GRIP1: variants seen among roughly 807,000 people sequenced by gnomAD.
The protein encoded by GRIP1 is glutamate receptor-interacting protein 1.
A neutral mutation model predicts 129.9 loss-of-function variants in GRIP1; 45 were observed. The ratio of observed to expected loss-of-function variants is 0.35; its 90% confidence interval spans 0.27 to 0.44. The LOEUF is 0.44. Among genes scored for constraint, GRIP1 ranks in the 20% least tolerant of loss-of-function variants. The pLI, the probability that GRIP1 is intolerant of heterozygous loss-of-function variation, is 1.00. For missense variants in GRIP1, 1,196 were observed against 1,396.8 expected (o/e 0.86, Z 2.29); for synonymous variants, 530 against 520.8 (o/e 1.02, Z -0.24).
intron 1 of GRIP1, among the ~76,000 whole-genome samples, chr12:66,661,475 GTGGA>G (rs753985317): frequency 7.1e-5 from 9 of 127,280 alleles, no homozygotes; most frequent in Non-Finnish European, 1.0e-4. Context: ...AAAAAAAAAG[GTGGA>G]GGGGAGATGG....
intron 1 of GRIP1, among the ~76,000 whole-genome samples, chr12:66,911,042 A>G (rs1382705163): frequency 6.6e-6 from 1 of 152,228 alleles, no homozygotes; most frequent in African/African-American, 2.4e-5. Context: ...GTGCTAATGG[A>G]TGGGGATACA....
chr12:66,838,642 A>ACC (rs1348973721), intron 1 of GRIP1, among the ~76,000 whole-genome samples: 6 of 152,230 alleles, frequency 3.9e-5, no homozygotes, highest in Admixed American at 1.3e-4. Context: ...GAGAAAAAGT[A>ACC]CAAGGACAGA....
At chr12:66,729,312 C>T (rs1194238551) in intron 1 of GRIP1, among the ~76,000 whole-genome samples, 1 of 152,018 alleles carries the variant, frequency 6.6e-6, no homozygotes, top group African/African-American at 2.4e-5. Flanking sequence ...ACCATACTGA[C>T]ATTAATATAT....
chr12:66,744,793 T>C (rs1262644775), intron 1 of GRIP1, among the ~76,000 whole-genome samples: 1 of 152,182 alleles, frequency 6.6e-6, no homozygotes, highest in Non-Finnish European at 1.5e-5. Flanking sequence ...ATCCTTTGAG[T>C]AACTCATCCA....
chr12:66,830,960 C>A (rs1296411736), intron 1 of GRIP1, among the ~76,000 whole-genome samples: 2 of 152,042 alleles, frequency 1.3e-5, no homozygotes, highest in East Asian at 3.9e-4. Context: ...AATCCTCCCA[C>A]CTCAGCCTCT....
intron 1 of GRIP1, among the ~76,000 whole-genome samples, chr12:66,881,347 A>G (rs1324241859): frequency 6.6e-6 from 1 of 152,174 alleles, no homozygotes; most frequent in Non-Finnish European, 1.5e-5. Context: ...AAAAGGCTTA[A>G]AGCATAGCTG....
At chr12:66,592,461 A>G (rs2063882601) in intron 2 of GRIP1, among the ~76,000 whole-genome samples, 1 of 152,208 alleles carries the variant, frequency 6.6e-6, no homozygotes, top group South Asian at 2.1e-4. Context: ...CATTCATGGC[A>G]TTATTCTGGA....
intron 1 of GRIP1, among the ~76,000 whole-genome samples, chr12:67,009,962 T>G (rs1443051635): frequency 6.6e-6 from 1 of 152,132 alleles, no homozygotes; most frequent in Non-Finnish European, 1.5e-5. Context: ...CACATTAAGC[T>G]TTTACTAAAG....
intron 1 of GRIP1, among the ~76,000 whole-genome samples, chr12:66,746,161 T>C (rs555601678): frequency 4.6e-5 from 7 of 152,092 alleles, no homozygotes; most frequent in African/African-American, 1.7e-4. Context: ...ACATCAGAAA[T>C]CTTGTTGTTT....
At chr12:66,836,353 G>A (rs1185677994) in intron 1 of GRIP1, among the ~76,000 whole-genome samples, 3 of 152,068 alleles carry the variant, frequency 2.0e-5, no homozygotes, top group South Asian at 2.1e-4. Context: ...CATACTTCCC[G>A]GGCCTTTATC....
chr12:66,737,520 G>A (rs2136536095), intron 1 of GRIP1, among the ~76,000 whole-genome samples: 1 of 152,222 alleles, frequency 6.6e-6, no homozygotes, highest in Non-Finnish European at 1.5e-5. Context: ...CTGACCTCAT[G>A]ATCCATCTGC....
chr12:66,762,836 C>T (rs952830300), intron 1 of GRIP1, among the ~76,000 whole-genome samples: 3 of 152,124 alleles, frequency 2.0e-5, no homozygotes, highest in Non-Finnish European at 4.4e-5. Context: ...ATTGATTCTG[C>T]CCTGGGGATT....
chr12:66,723,207 T>C (rs56851800), intron 1 of GRIP1, among the ~76,000 whole-genome samples: 19,504 of 76,744 alleles, frequency 0.25, 2,169 homozygotes, highest in African/African-American at 0.27. Flanking sequence ...TCTTCTTTTC[T>C]TTCTTTCTTT....
rs1029827122 is a variant in GRIP1, at chr12:66,603,539, G to T, written c.56-6612C>A. On this transcript the variant is annotated intron_variant, in intron 1 of 24. Transcript: ENST00000359742. Reference sequence around the variant, plus strand: ...AAATCTCCAGGTTATTTGTATGCACGTTCATGTTTGGAAAGCCCTGCTCCA... The same window carrying T: ...AAATCTCCAGGTTATTTGTATGCACTTTCATGTTTGGAAAGCCCTGCTCCA... Among the ~76,000 whole-genome samples, 4 of 152,302 alleles carry T rather than the reference G, an allele frequency of 2.6e-5. No homozygotes were observed. In the East Asian group the frequency reaches 7.7e-4, roughly 29 times the overall value.
At chr12:66,600,124 A>C (rs1185922908) in intron 1 of GRIP1, among the ~76,000 whole-genome samples, 1 of 152,192 alleles carries the variant, frequency 6.6e-6, no homozygotes, top group Non-Finnish European at 1.5e-5. Flanking sequence ...CCTCCTCCAC[A>C]TATTTGTTGC....
At chr12:66,772,304 T>G (rs1419744544) in intron 1 of GRIP1, among the ~76,000 whole-genome samples, 4 of 152,232 alleles carry the variant, frequency 2.6e-5, no homozygotes, top group Non-Finnish European at 5.9e-5. Context: ...GTTTAGATCT[T>G]AAATGAGAAA....
chr12:66,817,192 T>C (rs1354093844), intron 1 of GRIP1, among the ~76,000 whole-genome samples: 1 of 139,890 alleles, frequency 7.1e-6, no homozygotes, highest in African/African-American at 2.7e-5. Context: ...ATATACATAA[T>C]TTTCAGTATG....
At chr12:66,831,888 T>G (rs1377151420) in intron 1 of GRIP1, among the ~76,000 whole-genome samples, 1 of 152,236 alleles carries the variant, frequency 6.6e-6, no homozygotes, top group Non-Finnish European at 1.5e-5. Flanking sequence ...TGTAAAGTGC[T>G]TGGCAAAGTC....
intron 7 of GRIP1, among the ~76,000 whole-genome samples, chr12:66,489,275 C>G (rs905086213): frequency 6.6e-6 from 1 of 152,134 alleles, no homozygotes; most frequent in South Asian, 2.1e-4. Flanking sequence ...GGCTTATCCA[C>G]CATGATCAAG....
Sources: gnomAD v4.1 joint callset for allele counts (sites outside exome capture counted in the v4.1 genomes callset) on GRCh38, gnomAD v4.1.1 for gene constraint, MANE v1.5 for transcripts, NCBI Gene and HGNC (gene_info 2026-07-23, HGNC 2026-07-21) for gene names.